The following RNF169 variants were observed in gnomAD, a reference collection of about 807,000 sequenced individuals.
RNF169 encodes the protein E3 ubiquitin-protein ligase RNF169.
In RNF169, 24 loss-of-function variants were observed where a neutral mutation model predicts 53.9. That is an observed-to-expected ratio of 0.45 (90% CI 0.32 to 0.63). RNF169 has a LOEUF of 0.63. RNF169 is among the 20% of genes least tolerant of loss of function. The pLI is 0.04. For synonymous variants in RNF169, 396 were observed against 363.5 expected, an observed-to-expected ratio of 1.09 and a Z score of -1.02; for missense variants, 883 against 906.2, an observed-to-expected ratio of 0.97 and a Z score of 0.33.
chr11:74,749,472 T>C (rs187201698), intron 1 of RNF169, 90 bp downstream of exon 1: 61,261 of 1,041,760 alleles, frequency 0.059, 2,090 homozygotes, highest in South Asian at 0.066. Context: ...TCCCGGGCCC[T>C]ACTCGGGCGG....
intron 2 of RNF169, among the ~76,000 whole-genome samples, chr11:74,806,840 G>A (rs2035812043): frequency 6.6e-6 from 1 of 151,848 alleles, no homozygotes; most frequent in African/African-American, 2.4e-5. Flanking sequence ...GTAATAAACT[G>A]TTTCTTGATC....
chr11:74,759,840 G>T (rs1238965271), intron 1 of RNF169, among the ~76,000 whole-genome samples: 1 of 151,876 alleles, frequency 6.6e-6, no homozygotes, highest in Non-Finnish European at 1.5e-5. Context: ...GAGTTAGGGA[G>T]GATTCCCTCT....
chr11:74,817,272 G>T (rs1397450388), intron 3 of RNF169, among the ~76,000 whole-genome samples: 1 of 152,162 alleles, frequency 6.6e-6, no homozygotes, highest in Non-Finnish European at 1.5e-5. Context: ...AACAGTAAAT[G>T]AAATAAAATA....
At chr11:74,759,243 T>A (rs2035037748) in intron 1 of RNF169, among the ~76,000 whole-genome samples, 2 of 133,792 alleles carry the variant, frequency 1.5e-5, no homozygotes, top group Admixed American at 8.4e-5. Flanking sequence ...TAAACAATCA[T>A]GTCGTCTGCA....
intron 1 of RNF169, among the ~76,000 whole-genome samples, chr11:74,777,173 A>C (rs2035348519): frequency 6.6e-6 from 1 of 152,238 alleles, no homozygotes; most frequent in Non-Finnish European, 1.5e-5. Flanking sequence ...CTCCCATTTT[A>C]TGAATGAAGA....
At chr11:74,806,393 A>G (rs1316037524) in intron 2 of RNF169, among the ~76,000 whole-genome samples, 1 of 152,182 alleles carries the variant, frequency 6.6e-6, no homozygotes, top group East Asian at 1.9e-4. Context: ...CAGGCGTGTA[A>G]TCTGTACAAC....
At chr11:74,763,275 AC>A (rs2035118836) in intron 1 of RNF169, among the ~76,000 whole-genome samples, 1 of 152,212 alleles carries the variant, frequency 6.6e-6, no homozygotes, top group Non-Finnish European at 1.5e-5. Flanking sequence ...AGGGATTCTT[AC>A]AGAAGAAATA....
intron 4 of RNF169, among the ~76,000 whole-genome samples, chr11:74,818,034 A>G (rs2035961112): frequency 6.6e-6 from 1 of 152,192 alleles, no homozygotes; most frequent in Non-Finnish European, 1.5e-5. Context: ...CTCCCTCTGG[A>G]CTTAGTAGGA....
At chr11:74,826,250 TG>T (rs2036095095) in intron 4 of RNF169, among the ~76,000 whole-genome samples, 1 of 152,156 alleles carries the variant, frequency 6.6e-6, no homozygotes, top group Admixed American at 6.5e-5. Context: ...CGCTTGAACC[TG>T]GGAGGTGGAT....
intron 2 of RNF169, among the ~76,000 whole-genome samples, chr11:74,805,574 T>C (rs2035791447): frequency 6.6e-6 from 1 of 152,096 alleles, no homozygotes; most frequent in Admixed American, 6.5e-5. Flanking sequence ...GACTGAAAGG[T>C]CAAATAATAA....
At chr11:74,752,094 T>C (rs1404862210) in intron 1 of RNF169, among the ~76,000 whole-genome samples, 1 of 151,390 alleles carries the variant, frequency 6.6e-6, no homozygotes, top group African/African-American at 2.4e-5. Context: ...TAGCTGGGCA[T>C]GGTGGTGTGT....
At chr11:74,752,098 G>GGT (rs1257905906) in intron 1 of RNF169, among the ~76,000 whole-genome samples, 3 of 151,748 alleles carry the variant, frequency 2.0e-5, no homozygotes, top group Non-Finnish European at 4.4e-5. Flanking sequence ...TGGGCATGGT[G>GGT]GTGTGTGCCT....
intron 4 of RNF169, chr11:74,831,973 C>T (rs1029204641): frequency 2.0e-5 from 3 of 152,178 alleles, no homozygotes; most frequent in African/African-American, 7.2e-5. Context: ...GGGCCCCAAC[C>T]TCATACCACA....
At chr11:74,806,821 G>T (rs1374252567) in intron 2 of RNF169, among the ~76,000 whole-genome samples, 1 of 151,786 alleles carries the variant, frequency 6.6e-6, no homozygotes, top group Non-Finnish European at 1.5e-5. Context: ...GAGCATAAGG[G>T]CTGTATTGGT....
At chr11:74,818,187 A>T (rs1460704255) in intron 4 of RNF169, among the ~76,000 whole-genome samples, 3 of 152,176 alleles carry the variant, frequency 2.0e-5, no homozygotes, top group Non-Finnish European at 4.4e-5. Context: ...CTGGGAAGGA[A>T]AGGAAGAGGG....
At chr11:74,769,286 A>G (rs2035223557) in intron 1 of RNF169, among the ~76,000 whole-genome samples, 1 of 152,262 alleles carries the variant, frequency 6.6e-6, no homozygotes, top group Non-Finnish European at 1.5e-5. Flanking sequence ...AGCATTAGCA[A>G]TCAGGGAAAT....
rs546441860 is a variant in RNF169, at chr11:74,774,924, A to G, written c.503-14702A>G. ...CAGTGAGCCGACAGAGGGAGACTCC[A>G]TCTCAAGACTGGGTGACAGAGACTG... is the stretch of plus-strand genomic sequence containing the variant. On this transcript the variant is annotated intron_variant, in intron 1 of 5. Coordinates refer to ENST00000299563, the MANE Select transcript of RNF169 (RefSeq NM_001098638.2). Among the ~76,000 whole-genome samples, 348 of 152,318 alleles carry G rather than the reference A, an allele frequency of 2.3e-3. 1 individual carries two copies. The highest frequency in any genetic ancestry group is 4.4e-3 in the Non-Finnish European group (296 of 68,022).
intron 1 of RNF169, among the ~76,000 whole-genome samples, chr11:74,785,267 T>C (rs969610875): frequency 7.0e-6 from 1 of 143,678 alleles, no homozygotes; most frequent in Non-Finnish European, 1.5e-5. Context: ...ATATATGTTA[T>C]ATATATTAGA....
At chr11:74,827,381 G>C (rs1416688158) in intron 4 of RNF169, among the ~76,000 whole-genome samples, 1 of 152,252 alleles carries the variant, frequency 6.6e-6, no homozygotes, top group Non-Finnish European at 1.5e-5. Flanking sequence ...TGGGCCTGCA[G>C]TGGGAGGGCT....
Sources: allele counts gnomAD v4.1 joint callset (sites outside exome capture counted in the v4.1 genomes callset), GRCh38; gene constraint gnomAD v4.1.1; transcripts MANE v1.5; gene names NCBI Gene and HGNC (gene_info 2026-07-23, HGNC 2026-07-21).